Variants in KALRN observed in about 807,000 individuals in gnomAD.
KALRN encodes the protein kalirin RhoGEF kinase.
In KALRN, 70 loss-of-function variants were observed where a neutral mutation model predicts 353.7. The observed-to-expected ratio is 0.20, with a 90% CI of 0.16 to 0.24. The LOEUF is 0.24. Among genes scored for constraint, KALRN ranks in the 10% least tolerant of loss-of-function variants. KALRN has a pLI of 1.00. For synonymous variants in KALRN, 1,391 were observed against 1,434.8 expected (o/e 0.97, Z 0.69); for missense variants, 2,791 against 3,756.7 (o/e 0.74, Z 6.72).
chr3:124,570,879 T>C (rs963840099), intron 34 of KALRN, among the ~76,000 whole-genome samples: 2 of 152,178 alleles, frequency 1.3e-5, no homozygotes, highest in African/African-American at 4.8e-5. Context: ...TCACTCTCTT[T>C]CCAAATACAA....
intron 1 of KALRN, among the ~76,000 whole-genome samples, chr3:124,046,400 G>A (rs2040480327): frequency 6.6e-6 from 1 of 152,174 alleles, no homozygotes; most frequent in African/African-American, 2.4e-5. Context: ...GTCAGATGCT[G>A]GAGCTCTTAT....
chr3:124,210,025 T>A (rs546257687), intron 1 of KALRN, among the ~76,000 whole-genome samples: 8 of 152,302 alleles, frequency 5.3e-5, no homozygotes, highest in African/African-American at 1.9e-4. Context: ...GAAGATGGAG[T>A]TTGGAGTGAA....
intron 6 of KALRN, among the ~76,000 whole-genome samples, chr3:124,308,324 C>T (rs2077906884): frequency 6.6e-6 from 1 of 151,790 alleles, no homozygotes; most frequent in African/African-American, 2.4e-5. Context: ...CAAATTGAAC[C>T]AACAGACATC....
chr3:124,134,137 A>G (rs946741462), intron 1 of KALRN, among the ~76,000 whole-genome samples: 2 of 152,230 alleles, frequency 1.3e-5, no homozygotes, highest in African/African-American at 4.8e-5. Flanking sequence ...ACTATACTAT[A>G]AGGCTATAGT....
chr3:124,710,154 ACT>A (rs1333154654), intron 57 of KALRN, among the ~76,000 whole-genome samples: 2 of 152,220 alleles, frequency 1.3e-5, no homozygotes, highest in Non-Finnish European at 2.9e-5. Flanking sequence ...TTTCCCATGC[ACT>A]CTTTGTCAGA....
intron 57 of KALRN, among the ~76,000 whole-genome samples, chr3:124,706,353 T>C (rs2062613507): frequency 6.6e-6 from 1 of 152,190 alleles, no homozygotes; most frequent in South Asian, 2.1e-4. Flanking sequence ...AGCTCTCTTA[T>C]CCACTGGACC....
rs774922585 is a variant in KALRN at position 124,650,861 on chromosome 3, G to C, written c.5718G>C (p.Leu1906=). 1.2e-6 allele frequency: 2 copies of C among 1,614,178 alleles called. No individual in the cohort carries two copies. The highest frequency in any genetic ancestry group is 2.2e-5 in the South Asian group (2 of 91,078). ...RGSLKDPAGC[L]NEGMAPPTPP... ...GCTTGAAAGACCCTGCAGGCTGCCT[G>C]AATGAGGGGATGGCCCCACCCACAC... is the stretch of plus-strand genomic sequence containing the variant. The change falls in exon 38 of 60, where the codon CTG becomes CTC. Residue 1906 remains leucine, a synonymous_variant. Transcript: ENST00000682506.
chr3:124,407,106 G>A (rs2091641833), intron 13 of KALRN, among the ~76,000 whole-genome samples: 1 of 152,096 alleles, frequency 6.6e-6, no homozygotes, highest in Admixed American at 6.5e-5. Context: ...TTACAGGCGT[G>A]AGTCACTGCA....
At chr3:124,490,630 G>A in intron 29 of KALRN, 64 bp from the exon 30 acceptor site, 3 of 1,483,124 alleles carry the variant, frequency 2.0e-6, no homozygotes, top group Non-Finnish European at 2.8e-6. Flanking sequence ...AGAGGGGGGT[G>A]GAACATGGCC....
chr3:124,686,670 G>A (rs2061571647), intron 51 of KALRN, among the ~76,000 whole-genome samples: 1 of 152,052 alleles, frequency 6.6e-6, no homozygotes, highest in African/African-American at 2.4e-5. Flanking sequence ...ACAAAGGCAT[G>A]GAAGGACCTG....
At chr3:124,432,695 G>C (rs2093326084) in intron 16 of KALRN, among the ~76,000 whole-genome samples, 1 of 152,180 alleles carries the variant, frequency 6.6e-6, no homozygotes, top group Non-Finnish European at 1.5e-5. Flanking sequence ...TGCTTGAAAT[G>C]ACTATATTCC....
intron 33 of KALRN, among the ~76,000 whole-genome samples, chr3:124,509,470 A>C (rs570282214): frequency 2.1e-4 from 32 of 152,284 alleles, no homozygotes; most frequent in Non-Finnish European, 3.5e-4. Flanking sequence ...GGCCTCCCAA[A>C]GTGCTGGGAT....
Position 124,398,798 on chromosome 3 carries a change from A to C in KALRN, c.2273A>C (p.Glu758Ala), listed in dbSNP as rs1224063744. The C allele has an allele frequency of 2.5e-6, 4 of 1,613,970 alleles. No homozygotes were observed. Among genetic ancestry groups the C allele is most frequent in the Non-Finnish European group, 3.4e-6 (4 of 1,180,034 alleles). Residue 758 changes from glutamate to alanine, a missense_variant, in exon 13 of 60, where the codon GAG (glutamate) becomes GCG (alanine). Glu to Ala is a moderately radical substitution (Grantham distance 107, BLOSUM62 -1). This residue lies in a region of KALRN where 452 missense variants were observed against 575.8 expected (regional missense o/e 0.78). Transcript: ENST00000682506. ...QLDDAQVQME[E>A]LFHERKIKLD... ...GATGATGCCCAGGTGCAGATGGAGG[A>C]GCTGTTCCACGAGCGGAAGATCAAG...
At chr3:124,212,746 G>A (rs2077006421) in intron 1 of KALRN, among the ~76,000 whole-genome samples, 1 of 152,088 alleles carries the variant, frequency 6.6e-6, no homozygotes, top group East Asian at 1.9e-4. Flanking sequence ...GGCAGGAAGA[G>A]GTAATTAATG....
chr3:124,187,533 CTAAG>C (rs997280400), intron 1 of KALRN, among the ~76,000 whole-genome samples: 110 of 152,304 alleles, frequency 7.2e-4, no homozygotes, highest in African/African-American at 2.6e-3. Flanking sequence ...CCATCTTCAC[CTAAG>C]TTTCTATTCC....
Position 124,265,362 on chromosome 3 carries a change from G to T in KALRN, c.456+672G>T, listed in dbSNP as rs9869520. Among the ~76,000 whole-genome samples the T allele has an allele frequency of 4.5e-3, 605 of 134,256 alleles. 4 individuals carry two copies. Among genetic ancestry groups the T allele is most frequent in the African/African-American group, 0.016 (583 of 35,340 alleles). The allele number at this position is 134,256 out of a possible 152,430, so 88.1% of individuals were successfully genotyped here. A position where few individuals can be genotyped will look rare whatever the true frequency, so the allele number is the denominator to read the frequency against. On this transcript the variant is annotated intron_variant, in intron 4 of 59. Transcript: ENST00000682506. Reference sequence around the variant, plus strand: ...CAGGCTGGAGTGCAGTGATGATCTCGGCTCACTGCAACCTCTGCCTCCTGG... The same window carrying T: ...CAGGCTGGAGTGCAGTGATGATCTCTGCTCACTGCAACCTCTGCCTCCTGG...
intron 3 of KALRN, among the ~76,000 whole-genome samples, chr3:124,245,852 T>C (rs2081066404): frequency 6.6e-6 from 1 of 152,216 alleles, no homozygotes; most frequent in African/African-American, 2.4e-5. Flanking sequence ...TTTGCCCATG[T>C]TTTAATCAGA....
intron 32 of KALRN, among the ~76,000 whole-genome samples, chr3:124,495,100 TG>T (rs2063564555): frequency 6.6e-6 from 1 of 152,020 alleles, no homozygotes; most frequent in Admixed American, 6.6e-5. Flanking sequence ...TGAAAGAACA[TG>T]GGGACAGCTG....
chr3:124,488,562 G>A (rs968405595), intron 29 of KALRN: 15 of 471,338 alleles, frequency 3.2e-5, no homozygotes, highest in African/African-American at 2.7e-4. Context: ...TGCTGCCCAT[G>A]AGACAGTCCA....
Sources: gnomAD v4.1 joint callset for allele counts (sites outside exome capture counted in the v4.1 genomes callset) on GRCh38, gnomAD v4.1.1 for gene constraint, gnomAD v4.1.1 regional missense constraint, MANE v1.5 for transcripts, NCBI Gene and HGNC (gene_info 2026-07-23, HGNC 2026-07-21) for gene names.